The following PDE4D variants were observed in gnomAD, a reference collection of about 807,000 sequenced individuals.
PDE4D encodes 3',5'-cyclic-AMP phosphodiesterase 4D.
In PDE4D, 24 loss-of-function variants were observed where a neutral mutation model predicts 87.4. That is an observed-to-expected ratio of 0.27 (90% confidence interval 0.20 to 0.39). PDE4D has a LOEUF of 0.39. Among genes scored for constraint, PDE4D ranks in the 10% least tolerant of loss-of-function variants. The pLI is 1.00. For missense variants in PDE4D, 714 were observed against 1,041.0 expected, an observed-to-expected ratio of 0.69 and a Z score of 4.32; for synonymous variants, 384 against 383.2, an observed-to-expected ratio of 1.00 and a Z score of -0.02.
At chr5:59,285,624 C>T (rs953515488) in intron 1 of PDE4D, among the ~76,000 whole-genome samples, 12 of 152,066 alleles carry the variant, frequency 7.9e-5, no homozygotes, top group African/African-American at 2.9e-4. Flanking sequence ...TGATAAGAAG[C>T]GAAAAATTTT....
intron 1 of PDE4D, among the ~76,000 whole-genome samples, chr5:59,730,285 A>G (rs1338753793): frequency 2.6e-5 from 4 of 152,176 alleles, no homozygotes; most frequent in African/African-American, 9.6e-5. Context: ...AGCTTCGTAG[A>G]TACTAAACTG....
intron 1 of PDE4D, among the ~76,000 whole-genome samples, chr5:60,216,053 AG>A (rs1455825488): frequency 6.6e-6 from 1 of 152,146 alleles, no homozygotes; most frequent in Non-Finnish European, 1.5e-5. Flanking sequence ...AGATCTTTTA[AG>A]GGTGATAATT....
intron 1 of PDE4D, among the ~76,000 whole-genome samples, chr5:59,421,950 T>C (rs1582519551): frequency 6.6e-6 from 1 of 152,128 alleles, no homozygotes; most frequent in African/African-American, 2.4e-5. Context: ...GTTTAAAACA[T>C]AGGCTTCAAC....
At chr5:59,936,072 A>G (rs1056600320) in intron 3 of PDE4D, among the ~76,000 whole-genome samples, 2 of 152,180 alleles carry the variant, frequency 1.3e-5, no homozygotes, top group Non-Finnish European at 2.9e-5. Context: ...CAGTCCCACC[A>G]ACGGTGTAAA....
intron 1 of PDE4D, among the ~76,000 whole-genome samples, chr5:60,293,762 G>T (rs565013697): frequency 6.6e-6 from 1 of 152,206 alleles, no homozygotes; most frequent in South Asian, 2.1e-4. Context: ...TTTGTTGCAG[G>T]TATCAGTAGT....
chr5:59,646,996 C>T (rs1208657599), intron 1 of PDE4D, among the ~76,000 whole-genome samples: 4 of 152,128 alleles, frequency 2.6e-5, no homozygotes, highest in African/African-American at 9.7e-5. Context: ...GATCACGCCA[C>T]TGCACTCCAG....
intron 1 of PDE4D, among the ~76,000 whole-genome samples, chr5:59,291,738 G>GTTGTTTTTTTTTTTTTTTTT (rs1561894945): frequency 8.0e-6 from 1 of 125,576 alleles, no homozygotes; most frequent in Non-Finnish European, 1.7e-5. Context: ...GTAAAAAGAA[G>GTTGTTTTTTTTTTTTTTTTT]TTTTTTTTTT....
At chr5:60,211,165 C>T (rs1743166311) in intron 1 of PDE4D, among the ~76,000 whole-genome samples, 1 of 152,196 alleles carries the variant, frequency 6.6e-6, no homozygotes, top group Non-Finnish European at 1.5e-5. Context: ...AGAACGAAAC[C>T]GTCATTCCGG....
At chr5:59,705,993 T>C (rs1753343420) in intron 1 of PDE4D, among the ~76,000 whole-genome samples, 1 of 152,100 alleles carries the variant, frequency 6.6e-6, no homozygotes, top group Admixed American at 6.6e-5. Context: ...AAATATAAAT[T>C]CTGGAGATTA....
At chr5:59,389,239 TTTC>T (rs1263268855) in intron 1 of PDE4D, among the ~76,000 whole-genome samples, 1 of 152,070 alleles carries the variant, frequency 6.6e-6, no homozygotes, top group Non-Finnish European at 1.5e-5. Context: ...TTTTATAAGC[TTTC>T]TTATGAAAAG....
chr5:60,310,147 C>T (rs1017199862), intron 1 of PDE4D, among the ~76,000 whole-genome samples: 4 of 152,134 alleles, frequency 2.6e-5, no homozygotes, highest in African/African-American at 9.7e-5. Flanking sequence ...AGACCCTTTT[C>T]CTTCTTCAAA....
chr5:59,894,745 T>A (rs1751457915), upstream of PDE4D, among the ~76,000 whole-genome samples: 1 of 152,246 alleles, frequency 6.6e-6, no homozygotes, highest in Non-Finnish European at 1.5e-5. Flanking sequence ...TTTAAAAACA[T>A]GTTGTATCAA....
At chr5:58,981,065 T>C (rs935615519) in intron 11 of PDE4D, among the ~76,000 whole-genome samples, 6 of 152,138 alleles carry the variant, frequency 3.9e-5, no homozygotes, top group Non-Finnish European at 8.8e-5. Context: ...CTGCCAACAA[T>C]GGTAAGGGCA....
At chr5:59,057,678 A>G (rs1410775891) in intron 5 of PDE4D, among the ~76,000 whole-genome samples, 1 of 152,216 alleles carries the variant, frequency 6.6e-6, no homozygotes, top group African/African-American at 2.4e-5. Flanking sequence ...CAAATTATTT[A>G]TCTAATTAAA....
chr5:60,080,366 C>G (rs1477806710), intron 2 of PDE4D, among the ~76,000 whole-genome samples: 1 of 152,124 alleles, frequency 6.6e-6, no homozygotes, highest in East Asian at 1.9e-4. Context: ...TTTGATCACC[C>G]TTTCTTTCTT....
chr5:59,880,094 C>T (rs1211412454), intron 1 of PDE4D, among the ~76,000 whole-genome samples: 5 of 151,922 alleles, frequency 3.3e-5, no homozygotes, highest in Admixed American at 3.3e-4. Flanking sequence ...TTTATGGGTT[C>T]AAACATTTCT....
chr5:59,641,579 T>G (rs1245757566), intron 1 of PDE4D, among the ~76,000 whole-genome samples: 1 of 152,124 alleles, frequency 6.6e-6, no homozygotes, highest in Non-Finnish European at 1.5e-5. Flanking sequence ...TAAAAGCACT[T>G]TAAAATGATG....
At chr5:60,006,625 A>G (rs554737832) in intron 2 of PDE4D, among the ~76,000 whole-genome samples, 5 of 152,090 alleles carry the variant, frequency 3.3e-5, no homozygotes, top group South Asian at 2.1e-4. Context: ...TACTCAACAC[A>G]TAATAATGAT....
intron 1 of PDE4D, among the ~76,000 whole-genome samples, chr5:59,698,307 G>T (rs777017040): frequency 2.6e-5 from 4 of 152,064 alleles, no homozygotes; most frequent in Non-Finnish European, 5.9e-5. Flanking sequence ...TGTTGAAGGC[G>T]AGGGAAATGG....
Sources: allele counts gnomAD v4.1 joint callset (sites outside exome capture counted in the v4.1 genomes callset), GRCh38; gene constraint gnomAD v4.1.1; transcripts MANE v1.5; gene names NCBI Gene and HGNC (gene_info 2026-07-23, HGNC 2026-07-21).